CRTC1: variants seen among roughly 807,000 people sequenced by gnomAD.
The protein encoded by CRTC1 is CREB regulated transcription coactivator 1, also known as CREB-regulated transcription coactivator 1.
CRTC1 carries 18 observed loss-of-function variants against 66.1 expected under a neutral mutation model. The observed-to-expected ratio is 0.27, with a 90% CI of 0.19 to 0.40. The LOEUF is 0.40. Ranked by LOEUF, CRTC1 falls within the 10% of genes least tolerant of loss-of-function variation. CRTC1 has a pLI of 1.00. For synonymous variants in CRTC1, 416 were observed against 398.8 expected, an observed-to-expected ratio of 1.04 and a Z score of -0.51; for missense variants, 669 against 887.9, an observed-to-expected ratio of 0.75 and a Z score of 3.13.
intron 1 of CRTC1, among the ~76,000 whole-genome samples, chr19:18,738,149 T>G (rs1643031994): frequency 6.6e-6 from 1 of 151,694 alleles, no homozygotes; most frequent in Admixed American, 6.6e-5. Flanking sequence ...TGAGACTCCA[T>G]CTCTACAAAA....
intron 10 of CRTC1, among the ~76,000 whole-genome samples, chr19:18,770,565 C>T (rs1218309795): frequency 5.9e-5 from 9 of 152,082 alleles, no homozygotes; most frequent in South Asian, 4.1e-4. Flanking sequence ...CTGCCCATGG[C>T]GGTGTGTGTG....
intron 7 of CRTC1, 40 bp downstream of exon 7, chr19:18,759,631 T>G: frequency 6.2e-7 from 1 of 1,601,646 alleles, no homozygotes; most frequent in Non-Finnish European, 8.5e-7. Context: ...CTGCATCTGC[T>G]GCGCTGCTCC....
chr19:18,731,898 G>A (rs2053898118), intron 1 of CRTC1, among the ~76,000 whole-genome samples: 1 of 152,186 alleles, frequency 6.6e-6, no homozygotes, highest in African/African-American at 2.4e-5. Context: ...CCCGACCCAG[G>A]AACCCCCTCT....
intron 1 of CRTC1, among the ~76,000 whole-genome samples, chr19:18,695,075 T>G (rs2052951972): frequency 6.6e-6 from 1 of 152,152 alleles, no homozygotes; most frequent in Non-Finnish European, 1.5e-5. Flanking sequence ...TTCACCATGT[T>G]GGCCAGGCTG....
intron 8 of CRTC1, among the ~76,000 whole-genome samples, chr19:18,762,679 C>A (rs1427776002): frequency 6.6e-6 from 1 of 152,242 alleles, no homozygotes; most frequent in East Asian, 1.9e-4. Flanking sequence ...TGGCAGCTCT[C>A]CCTGCCCGCT....
At chr19:18,715,799 G>A (rs2053493617) in intron 1 of CRTC1, among the ~76,000 whole-genome samples, 1 of 152,212 alleles carries the variant, frequency 6.6e-6, no homozygotes, top group Non-Finnish European at 1.5e-5. Flanking sequence ...GGCCTGTTTG[G>A]AGGTTTGTCC....
At position 18,734,056 on chromosome 19, in the gene CRTC1, C is replaced by T. The variant is rs138576172; in HGVS notation, c.127-8854C>T. 5.8e-3 allele frequency among the ~76,000 whole-genome samples: 875 copies of T among 151,980 alleles called. 8 individuals carry two copies. The highest frequency in any genetic ancestry group is 0.02 in the African/African-American group (823 of 41,460). On this transcript the variant is annotated intron_variant, in intron 1 of 13. Coordinates refer to ENST00000321949, the MANE Select transcript of CRTC1 (RefSeq NM_015321.3). ...GGTGGAGGTTGCAGTGAGTCAAGAT[C>T]GCGCCACTCCACTGCAGCCTGGGTG... is the stretch of plus-strand genomic sequence containing the variant.
intron 1 of CRTC1, among the ~76,000 whole-genome samples, chr19:18,701,343 C>T (rs1410913876): frequency 4.6e-5 from 7 of 152,268 alleles, no homozygotes. Flanking sequence ...GGAGTCGTCA[C>T]ATGGATTAGA....
chr19:18,698,316 C>T (rs1001329381), intron 1 of CRTC1, among the ~76,000 whole-genome samples: 5 of 149,430 alleles, frequency 3.3e-5, no homozygotes, highest in African/African-American at 9.9e-5. Flanking sequence ...GCTCAGCAGG[C>T]ACAGTGTGTA....
intron 8 of CRTC1, among the ~76,000 whole-genome samples, chr19:18,763,621 G>C (rs2054662968): frequency 1.3e-5 from 2 of 152,254 alleles, no homozygotes; most frequent in Admixed American, 6.5e-5. Flanking sequence ...TGAAAAACCA[G>C]GGGAATGCCC....
chr19:18,776,228 G>A (rs2054986633), intron 13 of CRTC1, among the ~76,000 whole-genome samples: 1 of 152,230 alleles, frequency 6.6e-6, no homozygotes, highest in African/African-American at 2.4e-5. Context: ...AGCCCAGCCT[G>A]GGCAGCCAGC....
At chr19:18,755,917 G>A (rs2054473701) in intron 6 of CRTC1, among the ~76,000 whole-genome samples, 1 of 151,500 alleles carries the variant, frequency 6.6e-6, no homozygotes, top group Non-Finnish European at 1.5e-5. Context: ...TTTAATTTTT[G>A]TTAAAGACGG....
In CRTC1 at chr19:18,777,294, C is replaced by G; in HGVS notation, c.1817C>G (p.Thr606Ser). 1 of 1,612,322 alleles carries G rather than the reference C, an allele frequency of 6.2e-7. No homozygotes were observed. Among genetic ancestry groups the G allele is most frequent in the Non-Finnish European group, 8.5e-7 (1 of 1,179,974 alleles). Reference sequence around the variant, plus strand: ...GACGAACTCAAGATCGACCCCCTGACCCTCGACGGACTGCACATGCTCAAC... The same window carrying G: ...GACGAACTCAAGATCGACCCCCTGAGCCTCGACGGACTGCACATGCTCAAC... Reference protein sequence around the residue: ...PLDELKIDPLTLDGLHMLNDP... With the variant: ...PLDELKIDPLSLDGLHMLNDP... The change falls in exon 14 of 14, where the codon ACC (threonine) becomes AGC (serine). Residue 606 changes from threonine (T) to serine (S), a missense_variant. Thr to Ser is a moderately conservative substitution (Grantham distance 58). This residue lies in a region of CRTC1 where 91 missense variants were observed against 99.1 expected (regional missense o/e 0.92). Coordinates refer to ENST00000321949, the MANE Select transcript of CRTC1 (RefSeq NM_015321.3). The surrounding 1 kb of genome is among the most constrained non-coding windows in gnomAD (Gnocchi z 5.5).
intron 13 of CRTC1, 111 bp downstream of exon 13, chr19:18,775,932 G>A: frequency 8.3e-7 from 1 of 1,212,098 alleles, no homozygotes; most frequent in Non-Finnish European, 1.1e-6. Flanking sequence ...CCGGGGTTGT[G>A]ACCCAAGCTT....
chr19:18,751,075 C>T (rs1296328284), intron 5 of CRTC1, among the ~76,000 whole-genome samples: 1 of 152,158 alleles, frequency 6.6e-6, no homozygotes, highest in Non-Finnish European at 1.5e-5. Flanking sequence ...CCACTCTCCT[C>T]GGAGCGCCTG....
rs1474534882 is a variant in CRTC1, at chr19:18,750,461, C to G, written c.538+586C>G. 2.6e-5 allele frequency among the ~76,000 whole-genome samples: 4 copies of G among 152,186 alleles called. No individual in the cohort carries two copies. In the East Asian group the frequency reaches 7.7e-4, roughly 29 times the overall value. On this transcript the variant is annotated intron_variant, in intron 5 of 13. Transcript: ENST00000321949. ...CAGATCTGTACCCAGGTCCTTGGCT[C>G]CAATTTGAAGCCGGGCGTGGAGGCG...
At chr19:18,744,022 C>T (rs1600910633) in intron 2 of CRTC1, 1 of 1,466,316 alleles carries the variant, frequency 6.8e-7, no homozygotes, top group Non-Finnish European at 9.5e-7. Flanking sequence ...CCGAGGCCCA[C>T]AGCCCGGGGG....
intron 1 of CRTC1, among the ~76,000 whole-genome samples, chr19:18,694,714 G>A (rs765433802): frequency 6.6e-5 from 10 of 152,120 alleles, no homozygotes; most frequent in Admixed American, 1.3e-4. Context: ...GGGATTACAG[G>A]TGTGAGTCAC....
At chr19:18,756,393 T>C (rs2054490312) in intron 6 of CRTC1, among the ~76,000 whole-genome samples, 1 of 140,546 alleles carries the variant, frequency 7.1e-6, no homozygotes, top group South Asian at 2.3e-4. Context: ...GTGCCTGTAA[T>C]CTCAACACTT....
Sources: gnomAD v4.1 joint callset for allele counts (sites outside exome capture counted in the v4.1 genomes callset) on GRCh38, gnomAD v4.1.1 for gene constraint, gnomAD v4.1.1 regional missense constraint, Gnocchi (gnomAD v3.1) non-coding constraint, MANE v1.5 for transcripts, NCBI Gene and HGNC (gene_info 2026-07-23, HGNC 2026-07-21) for gene names.